The following MERTK variants were observed in gnomAD, a reference collection of about 807,000 sequenced individuals.
MERTK encodes tyrosine-protein kinase Mer.
MERTK carries 69 observed loss-of-function variants against 99.3 expected under a neutral mutation model. The observed-to-expected ratio is 0.70, with a 90% CI of 0.57 to 0.85. MERTK has a LOEUF of 0.85. MERTK is among the 40% of genes least tolerant of loss of function. The pLI is 0.00. For missense variants in MERTK, 1,125 were observed against 1,249.4 expected, an observed-to-expected ratio of 0.90 and a Z score of 1.50; for synonymous variants, 426 against 467.6, an observed-to-expected ratio of 0.91 and a Z score of 1.15.
At chr2:111,927,633 C>T (rs1684591378) in intron 1 of MERTK, among the ~76,000 whole-genome samples, 1 of 152,106 alleles carries the variant, frequency 6.6e-6, no homozygotes, top group Admixed American at 6.5e-5. Context: ...TGTACCACTG[C>T]TCTCCAGCCT....
At position 112,028,777 on chromosome 2, in the gene MERTK, T is replaced by C; in HGVS notation, c.2913T>C (p.His971=). The change falls in exon 19 of 19, where the codon CAT becomes CAC. Residue 971 remains histidine, a synonymous_variant. Transcript: ENST00000295408. ...RLVRNGVSWS[H]SSMLPLGSSL... Reference sequence around the variant, plus strand: ...TTAGGAATGGGGTCTCCTGGTCCCATTCGAGCATGCTGCCCTTGGGAAGCT... The same window carrying C: ...TTAGGAATGGGGTCTCCTGGTCCCACTCGAGCATGCTGCCCTTGGGAAGCT... The C allele has an allele frequency of 6.2e-7, 1 of 1,614,164 alleles. No homozygotes were observed. Among genetic ancestry groups the C allele is most frequent in the Non-Finnish European group, 8.5e-7 (1 of 1,180,040 alleles).
Position 112,021,494 on chromosome 2 carries a change from C to T in MERTK, c.2262C>T (p.Tyr754=). The change falls in exon 17 of 19, where the codon TAC becomes TAT. Residue 754 remains tyrosine, a synonymous_variant. Coordinates refer to ENST00000295408, the MANE Select transcript of MERTK (RefSeq NM_006343.3). Reference sequence around the variant, plus strand: ...AGAAGATTTACAGTGGCGATTATTACCGCCAAGGCCGCATTGCTAAGATGC... The same window carrying T: ...AGAAGATTTACAGTGGCGATTATTATCGCCAAGGCCGCATTGCTAAGATGC... The part of the protein sequence containing the change: ...LSKKIYSGDY[Y]RQGRIAKMPV... 1 of 1,613,906 alleles carries T rather than the reference C, an allele frequency of 6.2e-7. No individual in the cohort carries two copies. The highest frequency in any genetic ancestry group is 8.5e-7 in the Non-Finnish European group (1 of 1,179,872).
intron 4 of MERTK, among the ~76,000 whole-genome samples, chr2:111,948,070 TCACTGATGATGCTCTTGTCAATAC>T (rs769146575): frequency 6.6e-6 from 1 of 152,154 alleles, no homozygotes; most frequent in Admixed American, 6.5e-5. Context: ...GTCCCGCACA[TCACTGATGATGCTCTTGTCAATAC>T]CACTGACGTT....
chr2:111,936,606 TTTGA>T (rs1429178335), intron 2 of MERTK, among the ~76,000 whole-genome samples: 1 of 152,178 alleles, frequency 6.6e-6, no homozygotes, highest in Non-Finnish European at 1.5e-5. Flanking sequence ...AGGAGTCATC[TTTGA>T]TTAATAGGTG....
intron 2 of MERTK, among the ~76,000 whole-genome samples, chr2:111,937,223 T>A (rs1684780001): frequency 6.6e-6 from 1 of 151,798 alleles, no homozygotes; most frequent in African/African-American, 2.4e-5. Context: ...AGAGGGAGGA[T>A]TGCTTGAGCC....
chr2:112,019,221 G>A, intron 15 of MERTK, 192 bp from the exon 16 acceptor site: 1 of 722,442 alleles, frequency 1.4e-6, no homozygotes, highest in South Asian at 1.4e-5. Context: ...TTGCCAAGAA[G>A]TTTAAGGTTT....
chr2:111,908,746 TTGGCTC>T, intron 1 of MERTK, among the ~76,000 whole-genome samples: 2 of 152,370 alleles, frequency 1.3e-5, no homozygotes, highest in Admixed American at 1.3e-4. Flanking sequence ...GACCTGGCTC[TTGGCTC>T]TGACATCTAT....
chr2:111,945,714 C>A (rs745561457), intron 3 of MERTK, among the ~76,000 whole-genome samples: 19 of 152,206 alleles, frequency 1.2e-4, no homozygotes, highest in Admixed American at 5.9e-4. Context: ...GTGAACCAGG[C>A]CAGGTGAGCC....
intron 15 of MERTK, among the ~76,000 whole-genome samples, chr2:112,013,953 C>T (rs2104416768): frequency 6.6e-6 from 1 of 152,086 alleles, no homozygotes; most frequent in Admixed American, 6.5e-5. Flanking sequence ...CTCCCGGGTT[C>T]AAGTGATTCT....
intron 4 of MERTK, among the ~76,000 whole-genome samples, chr2:111,963,647 C>T (rs1406508884): frequency 6.6e-6 from 1 of 152,180 alleles, no homozygotes; most frequent in Admixed American, 6.5e-5. Context: ...TGAGTTGACA[C>T]AGCACATGTT....
At chr2:111,950,937 TTCTC>T (rs1214419650) in intron 4 of MERTK, among the ~76,000 whole-genome samples, 4 of 152,200 alleles carry the variant, frequency 2.6e-5, no homozygotes, top group Non-Finnish European at 5.9e-5. Flanking sequence ...CTTCTTTAAT[TTCTC>T]TCAGCAATTT....
At chr2:111,917,609 A>G (rs1399984932) in intron 1 of MERTK, among the ~76,000 whole-genome samples, 4 of 152,190 alleles carry the variant, frequency 2.6e-5, no homozygotes, top group African/African-American at 4.8e-5. Flanking sequence ...AGACGAGGCC[A>G]GGCGCAGTGG....
chr2:111,935,761 A>G (rs1378924484), intron 2 of MERTK, among the ~76,000 whole-genome samples: 3 of 151,942 alleles, frequency 2.0e-5, no homozygotes. Flanking sequence ...GAAAGAAACA[A>G]TGGCTTATAA....
At chr2:112,001,069 C>T in intron 10 of MERTK, 132 bp from the exon 11 acceptor site, 1 of 720,936 alleles carries the variant, frequency 1.4e-6, no homozygotes, top group Non-Finnish European at 2.5e-6. Context: ...AAACACGTTT[C>T]TTCTAGGGGG....
chr2:111,988,671 C>T (rs756333552), intron 8 of MERTK, among the ~76,000 whole-genome samples: 22 of 152,216 alleles, frequency 1.4e-4, no homozygotes, highest in Non-Finnish European at 2.4e-4. Flanking sequence ...TGAGGCCAGG[C>T]GTGGTGGCTC....
chr2:112,004,270 A>C, intron 13 of MERTK, among the ~76,000 whole-genome samples: 1 of 149,744 alleles, frequency 6.7e-6, no homozygotes, highest in East Asian at 1.9e-4. Flanking sequence ...TCTTTCTCTC[A>C]CTCTCATCTA....
At chr2:112,027,984 A>G (rs1485099718) in intron 18 of MERTK, among the ~76,000 whole-genome samples, 1 of 152,238 alleles carries the variant, frequency 6.6e-6, no homozygotes, top group Admixed American at 6.5e-5. Flanking sequence ...GTAAACAAAT[A>G]AGGATAGCTG....
intron 7 of MERTK, among the ~76,000 whole-genome samples, chr2:111,980,366 C>G (rs887112804): frequency 1.3e-5 from 2 of 151,220 alleles, no homozygotes; most frequent in Admixed American, 6.6e-5. Context: ...GCATACTTGC[C>G]AGGTGTGTAG....
At chr2:111,968,086 T>C in intron 5 of MERTK, 51 bp from the exon 6 acceptor site, 1 of 1,242,016 alleles carries the variant, frequency 8.1e-7, no homozygotes, top group Non-Finnish European at 1.2e-6. Context: ...GCCTGTCATC[T>C]ATAATTGTGT....
Sources: allele counts gnomAD v4.1 joint callset (sites outside exome capture counted in the v4.1 genomes callset), GRCh38; gene constraint gnomAD v4.1.1; transcripts MANE v1.5; gene names NCBI Gene and HGNC (gene_info 2026-07-23, HGNC 2026-07-21).